RIPOR3: variants seen among roughly 807,000 people sequenced by gnomAD.
RIPOR3 encodes family with sequence similarity 65 member C.
In RIPOR3, 95 loss-of-function variants were observed where a neutral mutation model predicts 114.3. The ratio of observed to expected loss-of-function variants is 0.83; its 90% CI spans 0.70 to 0.99. The LOEUF is 0.99. Among genes scored for constraint, RIPOR3 ranks in the 50% least tolerant of loss-of-function variants. The probability of loss-of-function intolerance (pLI) is 0.00; values close to 1 mark genes in which losing one functional copy is unlikely to be tolerated. For missense variants in RIPOR3, 1,252 were observed against 1,266.9 expected, an observed-to-expected ratio of 0.99 and a Z score of 0.18; for synonymous variants, 575 against 543.8, an observed-to-expected ratio of 1.06 and a Z score of -0.80.
At chr20:50,640,453 CACAA>C (rs1324082874) in intron 1 of RIPOR3, among the ~76,000 whole-genome samples, 1 of 148,424 alleles carries the variant, frequency 6.7e-6, no homozygotes, top group Non-Finnish European at 1.5e-5. Flanking sequence ...TCCAAAAACA[CACAA>C]ACAAAAGACG....
Position 50,666,183 on chromosome 20 carries a change from A to ATTTCTTTTTTCTTTCTTTTCTTTTCT in RIPOR3, c.3+24942_3+24943insAGAAAAGAAAAGAAAGAAAAAAGAAA, listed in dbSNP as rs534286175. Among the ~76,000 whole-genome samples the ATTTCTTTTTTCTTTCTTTTCTTTTCT allele has an allele frequency of 3.2e-4, 14 of 43,762 alleles. 1 individual carries two copies. The highest frequency in any genetic ancestry group is 1.4e-3 in the South Asian group (1 of 710). The allele number at this position is 43,762 out of a possible 152,430, so 28.7% of individuals were successfully genotyped here. A position where few individuals can be genotyped will look rare whatever the true frequency, so the allele number is the denominator to read the frequency against. The stretch of plus-strand genomic sequence containing the variant: ...CCTAGAATACAGAGAAAGGACACCC[A>ATTTCTTTTTTCTTTCTTTTCTTTTCT]TTTCTTTTCTTTTCTTTTCTTTTCT... On this transcript the variant is annotated intron_variant, in intron 1 of 21. Transcript: ENST00000327979.
Position 50,608,724 on chromosome 20 carries a change from C to G in RIPOR3, c.699G>C (p.Leu233=). 1 of 1,614,026 alleles carries G rather than the reference C, an allele frequency of 6.2e-7. No individual in the cohort carries two copies. The highest frequency in any genetic ancestry group is 8.5e-7 in the Non-Finnish European group (1 of 1,179,922). ...PGDHYEVLMR[L]GRQRWKLKGR... ...CCTTGAGCTTCCAACGCTGGCGGCC[C>G]AGACGCATGAGCACCTGTGAACCAG... The change falls in exon 10 of 22, where the codon CTG becomes CTC. Residue 233 remains leucine (L), a synonymous_variant. Transcript: ENST00000327979.
At chr20:50,601,078 C>T (rs1379985359) in intron 13 of RIPOR3, among the ~76,000 whole-genome samples, 7 of 152,024 alleles carry the variant, frequency 4.6e-5, no homozygotes, top group African/African-American at 1.2e-4. Flanking sequence ...GCATAAGGAC[C>T]GAGGGAACAC....
chr20:50,589,199 C>T (rs930643772), intron 20 of RIPOR3, among the ~76,000 whole-genome samples: 13 of 151,292 alleles, frequency 8.6e-5, no homozygotes, highest in Non-Finnish European at 1.6e-4. Flanking sequence ...TTTAAATGCT[C>T]ACACACACCC....
At chr20:50,631,424 G>T (rs1449125678) in intron 1 of RIPOR3, among the ~76,000 whole-genome samples, 1 of 152,214 alleles carries the variant, frequency 6.6e-6, no homozygotes, top group Non-Finnish European at 1.5e-5. Context: ...GGTGTCTAAG[G>T]CCGAGGGAAC....
intron 1 of RIPOR3, among the ~76,000 whole-genome samples, chr20:50,639,620 C>A (rs1016193435): frequency 6.6e-5 from 10 of 152,238 alleles, no homozygotes; most frequent in South Asian, 2.1e-4. Flanking sequence ...GTAGTCCCAG[C>A]TACCTGGGAG....
intron 2 of RIPOR3, among the ~76,000 whole-genome samples, chr20:50,627,828 C>T (rs2084677379): frequency 3.3e-5 from 5 of 152,190 alleles, no homozygotes; most frequent in African/African-American, 2.4e-5. Flanking sequence ...AACAGCAGAG[C>T]GTTCAATCAA....
At chr20:50,669,744 G>A (rs2086396104) in intron 1 of RIPOR3, among the ~76,000 whole-genome samples, 1 of 152,080 alleles carries the variant, frequency 6.6e-6, no homozygotes, top group Admixed American at 6.6e-5. Flanking sequence ...TGGGCTCAAT[G>A]TGTTCTTGCT....
At chr20:50,598,357 CTT>C (rs2083374323) in intron 13 of RIPOR3, among the ~76,000 whole-genome samples, 1 of 151,980 alleles carries the variant, frequency 6.6e-6, no homozygotes, top group Non-Finnish European at 1.5e-5. Context: ...AGATTTCTGT[CTT>C]GTCCCCAACT....
intron 1 of RIPOR3, among the ~76,000 whole-genome samples, chr20:50,682,471 G>GTGGT (rs1457376345): frequency 2.0e-5 from 3 of 152,086 alleles, no homozygotes; most frequent in African/African-American, 7.2e-5. Context: ...GCCAAGTGTG[G>GTGGT]TGGTGCACGC....
intron 1 of RIPOR3, among the ~76,000 whole-genome samples, chr20:50,669,531 A>C (rs2086385911): frequency 6.6e-6 from 1 of 152,160 alleles, no homozygotes. Flanking sequence ...CTAGTTCCTG[A>C]TCATCAACAC....
intron 1 of RIPOR3, among the ~76,000 whole-genome samples, chr20:50,653,700 C>G (rs965189494): frequency 7.2e-5 from 11 of 151,876 alleles, no homozygotes; most frequent in Admixed American, 6.6e-4. Context: ...GAGCAATTCT[C>G]CCACCTCAGC....
chr20:50,684,168 G>A (rs2086942641), intron 1 of RIPOR3, among the ~76,000 whole-genome samples: 1 of 150,962 alleles, frequency 6.6e-6, no homozygotes, highest in Non-Finnish European at 1.5e-5. Context: ...TATGTTAGAT[G>A]ATGAGACGTG....
intron 1 of RIPOR3, among the ~76,000 whole-genome samples, chr20:50,651,600 A>T (rs184349038): frequency 8.6e-4 from 131 of 152,266 alleles, no homozygotes; most frequent in Middle Eastern, 3.4e-3. Context: ...AATCTTGGCA[A>T]TTCCATCCAC....
rs1178219376 is a variant in RIPOR3 at position 50,617,634 on chromosome 20, T to C, written c.270-1554A>G. Among the ~76,000 whole-genome samples the C allele has an allele frequency of 1.4e-5, 2 of 147,552 alleles. 1 individual carries two copies. The highest frequency in any genetic ancestry group is 4.0e-4 in the East Asian group (2 of 4,940). ...TCATTCTAAGGTGGTTTCCCTTTTT[T>C]TTTTTTTTTTTTTTTGAGTCTTGCT... On this transcript the variant is annotated intron_variant, in intron 3 of 21. Transcript: ENST00000327979.
intron 1 of RIPOR3, among the ~76,000 whole-genome samples, chr20:50,666,862 G>C (rs951650881): frequency 6.6e-6 from 1 of 152,052 alleles, no homozygotes; most frequent in African/African-American, 2.4e-5. Flanking sequence ...GACCAGCCTA[G>C]GACACCTATT....
At position 50,611,051 on chromosome 20, in the gene RIPOR3, C is replaced by G. The variant is rs916331208; in HGVS notation, c.372+130G>C. The G allele has an allele frequency of 7.8e-6, 12 of 1,546,418 alleles. 1 individual carries two copies. The highest frequency in any genetic ancestry group is 2.3e-5 in the South Asian group (2 of 88,608). On this transcript the variant is annotated intron_variant, in intron 5 of 21. Transcript: ENST00000327979. ...AGGAAGGCTCATCGCAGAGACTCAG[C>G]CTTCCCATTCCTAAAATGGGGAGGA...
At chr20:50,690,228 G>T (rs1049989390) in intron 1 of RIPOR3, among the ~76,000 whole-genome samples, 1 of 152,224 alleles carries the variant, frequency 6.6e-6, no homozygotes, top group Admixed American at 6.5e-5. Context: ...TTTCTGCAAA[G>T]GCAAAATAAA....
intron 1 of RIPOR3, among the ~76,000 whole-genome samples, chr20:50,643,124 CTTTT>C (rs34994340): frequency 7.2e-6 from 1 of 139,462 alleles, no homozygotes. Context: ...AATCTCAGCA[CTTTT>C]TTTTTTTTTT....
Sources: allele counts gnomAD v4.1 joint callset (sites outside exome capture counted in the v4.1 genomes callset), GRCh38; gene constraint gnomAD v4.1.1; transcripts MANE v1.5; gene names NCBI Gene and HGNC (gene_info 2026-07-23, HGNC 2026-07-21).